Variants in POU6F2 observed in about 807,000 individuals in gnomAD.
POU6F2 encodes POU domain, class 6, transcription factor 2.
Under a neutral mutation model 71.3 loss-of-function variants are expected in POU6F2, and 31 were observed. The observed-to-expected ratio is 0.43, with a 90% CI of 0.33 to 0.59. The LOEUF (loss-of-function observed/expected upper bound fraction) is 0.59. Ranked by LOEUF, POU6F2 falls within the 20% of genes least tolerant of loss-of-function variation. The pLI, the probability that POU6F2 is intolerant of heterozygous loss-of-function variation, is 0.04. For synonymous variants in POU6F2, 347 were observed against 355.7 expected (o/e 0.98, Z 0.27); for missense variants, 783 against 856.8 (o/e 0.91, Z 1.07).
At chr7:39,299,493 C>A (rs1784913388) in intron 4 of POU6F2, among the ~76,000 whole-genome samples, 2 of 152,128 alleles carry the variant, frequency 1.3e-5, no homozygotes, top group African/African-American at 4.8e-5. Context: ...AAAACAGAAA[C>A]AGCTAGAAGT....
chr7:39,339,025 T>G (rs1293013354), intron 4 of POU6F2, among the ~76,000 whole-genome samples: 3 of 151,804 alleles, frequency 2.0e-5, no homozygotes, highest in African/African-American at 7.3e-5. Context: ...GGCAAAAAAT[T>G]CAGACTCAGG....
At chr7:39,392,196 C>T (rs557264657) in intron 5 of POU6F2, among the ~76,000 whole-genome samples, 7 of 152,284 alleles carry the variant, frequency 4.6e-5, no homozygotes, top group Admixed American at 2.0e-4. Context: ...ATATCGTAGA[C>T]TTTTATCATT....
intron 4 of POU6F2, among the ~76,000 whole-genome samples, chr7:39,287,399 C>T (rs996730800): frequency 3.3e-5 from 5 of 152,128 alleles, no homozygotes; most frequent in Admixed American, 1.3e-4. Flanking sequence ...TAATGCACAA[C>T]GCCTTAAAGC....
chr7:39,058,928 T>C (rs1314360781), intron 1 of POU6F2, among the ~76,000 whole-genome samples: 3 of 152,184 alleles, frequency 2.0e-5, no homozygotes, highest in African/African-American at 7.2e-5. Flanking sequence ...ATTATATTTA[T>C]GAAAACAACC....
intron 4 of POU6F2, among the ~76,000 whole-genome samples, chr7:39,248,346 C>T (rs1231514301): frequency 1.3e-5 from 2 of 152,082 alleles, no homozygotes; most frequent in African/African-American, 4.8e-5. Context: ...AGAAAGAATT[C>T]TGATCAGGGA....
chr7:39,357,839 TG>T, intron 5 of POU6F2, among the ~76,000 whole-genome samples: 1 of 152,220 alleles, frequency 6.6e-6, no homozygotes, highest in African/African-American at 2.4e-5. Flanking sequence ...TAAACAAGGG[TG>T]GGGGCTTCAG....
chr7:39,099,520 TA>T (rs1349455437), intron 2 of POU6F2, among the ~76,000 whole-genome samples: 1 of 152,262 alleles, frequency 6.6e-6, no homozygotes, highest in African/African-American at 2.4e-5. Context: ...TTTTGTGACC[TA>T]ATCAGGGTAA....
At chr7:39,276,392 T>C (rs1018798026) in intron 4 of POU6F2, among the ~76,000 whole-genome samples, 9 of 151,982 alleles carry the variant, frequency 5.9e-5, no homozygotes, top group African/African-American at 2.2e-4. Context: ...CATTAAAAAG[T>C]CAGGAAACAA....
At chr7:39,169,143 G>T (rs1793168094) in intron 2 of POU6F2, among the ~76,000 whole-genome samples, 1 of 152,202 alleles carries the variant, frequency 6.6e-6, no homozygotes, top group African/African-American at 2.4e-5. Context: ...GATGAACTTT[G>T]TACAGTAGGA....
At chr7:39,278,955 A>G (rs1472898643) in intron 4 of POU6F2, among the ~76,000 whole-genome samples, 2 of 152,096 alleles carry the variant, frequency 1.3e-5, no homozygotes, top group African/African-American at 4.8e-5. Context: ...CCAAAACAGC[A>G]CACAAACACA....
intron 1 of POU6F2, among the ~76,000 whole-genome samples, chr7:38,981,215 C>T (rs997232477): frequency 2.0e-5 from 3 of 152,174 alleles, no homozygotes; most frequent in Non-Finnish European, 4.4e-5. Context: ...GTTTGATTAT[C>T]ATTTAGAAAT....
At chr7:38,980,895 C>T (rs544747699) in intron 1 of POU6F2, among the ~76,000 whole-genome samples, 1 of 152,198 alleles carries the variant, frequency 6.6e-6, no homozygotes, top group Non-Finnish European at 1.5e-5. Context: ...TGTTTCTGGC[C>T]ATGATCCAGC....
At chr7:39,110,009 G>A (rs146853330) in intron 2 of POU6F2, among the ~76,000 whole-genome samples, 5 of 152,230 alleles carry the variant, frequency 3.3e-5, no homozygotes, top group Non-Finnish European at 7.4e-5. Flanking sequence ...GGAGGCTCAC[G>A]CCTGTAATCC....
intron 4 of POU6F2, among the ~76,000 whole-genome samples, chr7:39,267,440 A>G (rs2128755912): frequency 6.6e-6 from 1 of 152,306 alleles, no homozygotes; most frequent in East Asian, 1.9e-4. Flanking sequence ...GGCCCTAGGG[A>G]GGCAGCAGGG....
At chr7:39,330,222 A>T (rs557664981) in intron 4 of POU6F2, among the ~76,000 whole-genome samples, 25 of 152,188 alleles carry the variant, frequency 1.6e-4, no homozygotes, top group Non-Finnish European at 3.1e-4. Flanking sequence ...GCTATGGAGT[A>T]TGAGGGTTTA....
intron 2 of POU6F2, among the ~76,000 whole-genome samples, chr7:39,119,802 T>G (rs1404998): frequency 0.16 from 24,362 of 152,228 alleles, 2,172 homozygotes; most frequent in African/African-American, 0.24. Flanking sequence ...AATTAATAGT[T>G]GGTTTGGTTC....
chr7:38,995,205 A>G (rs1441773080), intron 1 of POU6F2, among the ~76,000 whole-genome samples: 1 of 152,248 alleles, frequency 6.6e-6, no homozygotes, highest in African/African-American at 2.4e-5. Flanking sequence ...ATTCATGAAC[A>G]TCTATCCATT....
chr7:39,140,265 C>T (rs1407049926), intron 2 of POU6F2, among the ~76,000 whole-genome samples: 1 of 152,150 alleles, frequency 6.6e-6, no homozygotes, highest in Non-Finnish European at 1.5e-5. Context: ...TTTAGGTGGA[C>T]AGGAGTCTCT....
chr7:39,217,334 T>A (rs1399322290), intron 4 of POU6F2, among the ~76,000 whole-genome samples: 10 of 142,348 alleles, frequency 7.0e-5, no homozygotes, highest in Admixed American at 4.9e-4. Flanking sequence ...TGGCAGGGAG[T>A]GGGTGGGTGG....
Sources: gnomAD v4.1 joint callset for allele counts (sites outside exome capture counted in the v4.1 genomes callset) on GRCh38, gnomAD v4.1.1 for gene constraint, MANE v1.5 for transcripts, NCBI Gene and HGNC (gene_info 2026-07-23, HGNC 2026-07-21) for gene names.